Variants in FAM227A observed in about 807,000 individuals in gnomAD.
The protein encoded by FAM227A is protein FAM227A.
In FAM227A, 80 loss-of-function variants were observed where a neutral mutation model predicts 74.7. That is an observed-to-expected ratio of 1.07 (90% CI 0.89 to 1.29). The LOEUF is 1.29. Ranked by LOEUF, FAM227A falls within the 50% of genes most tolerant of loss-of-function variation. The pLI is 0.00. For missense variants in FAM227A, 654 were observed against 683.4 expected (o/e 0.96, Z 0.48); for synonymous variants, 237 against 241.8 (o/e 0.98, Z 0.19).
intron 11 of FAM227A, among the ~76,000 whole-genome samples, chr22:38,611,818 A>T (rs1397000310): frequency 6.6e-6 from 1 of 152,182 alleles, no homozygotes; most frequent in South Asian, 2.1e-4. Context: ...CCAGTCTTGT[A>T]TATTTACCCA....
chr22:38,607,431 G>A lies in FAM227A; in HGVS notation c.1084C>T (p.Gln362Ter), dbSNP rs527406691. 26 of 1,551,444 alleles carry A rather than the reference G, an allele frequency of 1.7e-5. No homozygotes were observed. Among genetic ancestry groups the A allele is most frequent in the Non-Finnish European group, 2.3e-5 (26 of 1,146,904 alleles). Residue 362 changes from glutamine (Q) to a stop codon, truncating the protein, a stop_gained, in exon 12 of 17, where the codon CAG (glutamine) becomes TAG (stop). Transcript: ENST00000535113. LOFTEE classifies it high-confidence loss of function. ...SPSEKTSSAK[Q>*]NSEKSLRMQN... ...ATTCGTAAGCTTTTTTCTGAGTTCT[G>A]CTTGGCCGAAGAGGTTTTTTCACTG...
intron 6 of FAM227A, among the ~76,000 whole-genome samples, chr22:38,633,348 A>C (rs1169687678): frequency 6.6e-6 from 1 of 152,156 alleles, no homozygotes; most frequent in Non-Finnish European, 1.5e-5. Context: ...GACCTCAAAA[A>C]TGGGGCATTA....
At chr22:38,616,676 A>T (rs958395502) in intron 11 of FAM227A, among the ~76,000 whole-genome samples, 2 of 152,048 alleles carry the variant, frequency 1.3e-5, no homozygotes, top group African/African-American at 4.8e-5. Flanking sequence ...CAAAAAAAAA[A>T]AAAAATAATA....
intron 12 of FAM227A, among the ~76,000 whole-genome samples, chr22:38,605,887 C>A (rs936693152): frequency 1.3e-5 from 2 of 152,052 alleles, no homozygotes; most frequent in African/African-American, 4.8e-5. Context: ...CTCCATTTCT[C>A]CCTCAAAAAA....
chr22:38,606,597 G>T (rs1292132746), intron 12 of FAM227A, among the ~76,000 whole-genome samples: 1 of 152,116 alleles, frequency 6.6e-6, no homozygotes, highest in African/African-American at 2.4e-5. Flanking sequence ...GGCCCTGCAT[G>T]GTGTGCTGAG....
chr22:38,629,600 A>G (rs2091876451), intron 6 of FAM227A, among the ~76,000 whole-genome samples: 1 of 152,238 alleles, frequency 6.6e-6, no homozygotes, highest in South Asian at 2.1e-4. Context: ...TTCTTGCCTG[A>G]GCTTACATGG....
intron 2 of FAM227A, among the ~76,000 whole-genome samples, chr22:38,648,749 G>A (rs1215374352): frequency 6.6e-6 from 1 of 151,958 alleles, no homozygotes; most frequent in Non-Finnish European, 1.5e-5. Flanking sequence ...GAGGTGGGTG[G>A]ACCACCTGAG....
chr22:38,604,655 TTTTA>T (rs1414006845), intron 13 of FAM227A, among the ~76,000 whole-genome samples: 1 of 152,260 alleles, frequency 6.6e-6, no homozygotes, highest in Admixed American at 6.5e-5. Flanking sequence ...CTTTTTATTT[TTTTA>T]TTTATTTTTT....
At chr22:38,635,538 T>C (rs951208850) in intron 6 of FAM227A, among the ~76,000 whole-genome samples, 2 of 152,190 alleles carry the variant, frequency 1.3e-5, no homozygotes, top group Non-Finnish European at 2.9e-5. Context: ...GAGTTGCCAG[T>C]GTTTGTGTCG....
At chr22:38,623,724 G>A (rs2091740066) in intron 9 of FAM227A, among the ~76,000 whole-genome samples, 1 of 152,170 alleles carries the variant, frequency 6.6e-6, no homozygotes, top group South Asian at 2.1e-4. Flanking sequence ...CCCCTGTTCT[G>A]GCTATACCAT....
intron 9 of FAM227A, among the ~76,000 whole-genome samples, chr22:38,625,929 CGA>C (rs1176217604): frequency 7.7e-6 from 1 of 130,542 alleles, no homozygotes; most frequent in Non-Finnish European, 1.5e-5. Flanking sequence ...GGTGACCGAG[CGA>C]GACTCTATCT....
intron 3 of FAM227A, among the ~76,000 whole-genome samples, chr22:38,644,145 C>CAA (rs950184744): frequency 0.046 from 1,887 of 41,294 alleles, 134 homozygotes; most frequent in African/African-American, 0.13. Context: ...GACTCCATCT[C>CAA]AAAAAAAAAA....
At chr22:38,633,824 G>A (rs919430195) in intron 6 of FAM227A, among the ~76,000 whole-genome samples, 2 of 152,170 alleles carry the variant, frequency 1.3e-5, no homozygotes, top group African/African-American at 4.8e-5. Context: ...ACAGGCGTAA[G>A]CCACTGTGCC....
At position 38,646,416 on chromosome 22, in the gene FAM227A, C is replaced by T. The variant is rs550346712; in HGVS notation, c.143-771G>A. Among the ~76,000 whole-genome samples the T allele has an allele frequency of 2.9e-3, 388 of 135,728 alleles. 13 individuals carry two copies. In the East Asian group the frequency reaches 0.075, roughly 26 times the overall value. 89.0% of individuals were successfully genotyped at this position (135,728 alleles called of 152,430 possible). On this transcript the variant is annotated intron_variant, in intron 2 of 16. Transcript: ENST00000535113. ...CTGGGACTACAGGCGCCCGCCACTA[C>T]GCCCGGCTAATTTTTTTTTGTATTT...
chr22:38,636,689 A>G (rs2092013236), intron 5 of FAM227A, 92 bp from the exon 6 acceptor site: 8 of 1,171,340 alleles, frequency 6.8e-6, no homozygotes, highest in Non-Finnish European at 9.5e-6. Flanking sequence ...TGAAGACAAT[A>G]TAACAACCTT....
chr22:38,653,064 C>T (rs1387439027), intron 1 of FAM227A, among the ~76,000 whole-genome samples: 5 of 152,084 alleles, frequency 3.3e-5, no homozygotes, highest in Admixed American at 6.6e-5. Context: ...TCTGTATTTA[C>T]AGCCACTCCC....
chr22:38,603,130 T>C (rs940103995), intron 13 of FAM227A, among the ~76,000 whole-genome samples: 10 of 151,882 alleles, frequency 6.6e-5, no homozygotes, highest in African/African-American at 2.4e-4. Context: ...CACCTCGACC[T>C]CCCAAAGTGT....
At chr22:38,623,108 CAGTT>C (rs1041492318) in intron 10 of FAM227A, 60 bp downstream of exon 10, 50 of 1,142,780 alleles carry the variant, frequency 4.4e-5, no homozygotes, top group Non-Finnish European at 5.8e-5. Context: ...TCTCCTCCCT[CAGTT>C]AGATAGTGGT....
rs937679249 is a variant in FAM227A at position 38,638,841 on chromosome 22, A to G, written c.296-19T>C. 3 of 1,499,292 alleles carry G rather than the reference A, an allele frequency of 2.0e-6. No homozygotes were observed. In the African/African-American group the frequency reaches 4.2e-5, roughly 21 times the overall value. 92.9% of individuals were successfully genotyped at this position (1,499,292 alleles called of 1,614,324 possible). Reference sequence around the variant, plus strand: ...CTCTTGACTGCAGAAAAATGGAGAAAGAGATAAATGAGTAACCACAGGGTC... The same window carrying G: ...CTCTTGACTGCAGAAAAATGGAGAAGGAGATAAATGAGTAACCACAGGGTC... On this transcript the variant is annotated intron_variant, in intron 4 of 16. Coordinates refer to ENST00000535113, the MANE Select transcript of FAM227A (RefSeq NM_001013647.2).
Sources: allele counts gnomAD v4.1 joint callset (sites outside exome capture counted in the v4.1 genomes callset), GRCh38; gene constraint gnomAD v4.1.1; transcripts MANE v1.5; gene names NCBI Gene and HGNC (gene_info 2026-07-23, HGNC 2026-07-21).